IAH1: variants seen among roughly 807,000 people sequenced by gnomAD.
IAH1 encodes the protein isoamyl acetate hydrolyzing esterase 1 (putative).
IAH1 carries 24 observed loss-of-function variants against 26.7 expected under a neutral mutation model. That is an observed-to-expected ratio of 0.90 (90% confidence interval 0.65 to 1.26). The LOEUF (loss-of-function observed/expected upper bound fraction) is 1.26, where lower values mean the gene tolerates loss of function less well. IAH1 is among the 50% of genes most tolerant of loss of function. IAH1 has a pLI of 0.00. For synonymous variants in IAH1, 140 were observed against 118.5 expected (o/e 1.18, Z -1.18); for missense variants, 300 against 299.9 (o/e 1.00, Z 0.00).
chr2:9,478,931 G>A (rs540851934), intron 3 of IAH1, among the ~76,000 whole-genome samples: 30 of 152,290 alleles, frequency 2.0e-4, no homozygotes, highest in African/African-American at 6.0e-4. Context: ...TGCTATCGAC[G>A]AGAAAAATCA....
chr2:9,494,529 T>G, downstream of IAH1: 2 of 1,312,424 alleles, frequency 1.5e-6, no homozygotes, highest in Middle Eastern at 2.3e-4. Flanking sequence ...GCCAGAAGGA[T>G]GTAGCCCCAC....
chr2:9,478,653 T>C (rs1270338094), intron 3 of IAH1, among the ~76,000 whole-genome samples: 2 of 152,236 alleles, frequency 1.3e-5, no homozygotes, highest in Non-Finnish European at 2.9e-5. Flanking sequence ...TTCTCTTTAG[T>C]TGATGCATTT....
chr2:9,478,186 G>C (rs770926357), intron 2 of IAH1, 36 bp from the exon 3 acceptor site: 6 of 1,575,682 alleles, frequency 3.8e-6, no homozygotes, highest in Non-Finnish European at 5.2e-6. Flanking sequence ...AACACTTCTT[G>C]CCCACAATTC....
intron 3 of IAH1, among the ~76,000 whole-genome samples, chr2:9,479,844 T>A (rs182249433): frequency 8.0e-6 from 1 of 124,376 alleles, no homozygotes; most frequent in Admixed American, 1.0e-4. Flanking sequence ...AGTTTCACAC[T>A]CTTGCCTAGG....
At chr2:9,493,840 C>T, downstream of IAH1, 3 of 1,602,396 alleles carry the variant, frequency 1.9e-6, no homozygotes, top group Non-Finnish European at 2.6e-6. Flanking sequence ...GAAGAAAAAA[C>T]ATACATACAG....
chr2:9,484,583 A>C, intron 5 of IAH1, 33 bp downstream of exon 5: 1 of 1,417,248 alleles, frequency 7.1e-7, no homozygotes, highest in Non-Finnish European at 1.0e-6. Flanking sequence ...CTCGGGGTAA[A>C]TAGGATCACA....
intron 3 of IAH1, among the ~76,000 whole-genome samples, chr2:9,479,335 GAAATA>G (rs1358980576): frequency 1.3e-5 from 2 of 152,098 alleles, no homozygotes; most frequent in African/African-American, 4.8e-5. Context: ...ACAGGTTTAT[GAAATA>G]AAATAGGCTG....
chr2:9,503,814 G>C, the IAH1 span, among the ~76,000 whole-genome samples: 1 of 149,932 alleles, frequency 6.7e-6, no homozygotes, highest in African/African-American at 2.5e-5. Flanking sequence ...CTCCAGCCTG[G>C]GCGACAGAGC....
intron 4 of IAH1, among the ~76,000 whole-genome samples, chr2:9,483,169 C>A (rs989698277): frequency 2.0e-5 from 3 of 152,180 alleles, no homozygotes. Flanking sequence ...TAGCCCAATG[C>A]AGACTTTTTA....
downstream of IAH1, chr2:9,493,107 G>C: frequency 1.3e-6 from 1 of 756,210 alleles, no homozygotes; most frequent in Non-Finnish European, 2.1e-6. Flanking sequence ...ATACTACCGA[G>C]AGCAGAATGT....
At chr2:9,490,221 G>A, downstream of IAH1, 1 of 1,606,314 alleles carries the variant, frequency 6.2e-7, no homozygotes, top group Non-Finnish European at 8.5e-7. Context: ...TGACGCTGCA[G>A]TTTAAAGGAG....
intron 1 of IAH1, chr2:9,475,648 GC>G: frequency 3.1e-6 from 1 of 327,632 alleles, no homozygotes; most frequent in East Asian, 7.5e-5. Context: ...TTATAGACGT[GC>G]GCCACCACAC....
intron 4 of IAH1, among the ~76,000 whole-genome samples, chr2:9,484,031 T>C (rs1157616814): frequency 6.6e-6 from 1 of 152,214 alleles, no homozygotes; most frequent in East Asian, 1.9e-4. Flanking sequence ...CAGCGCAGCG[T>C]TCAGCTTCCA....
At chr2:9,484,399 C>T (rs761811940) in intron 4 of IAH1, 33 bp from the exon 5 acceptor site, 11 of 1,546,674 alleles carry the variant, frequency 7.1e-6, no homozygotes, top group South Asian at 6.7e-5. Flanking sequence ...CTTGGGTTTA[C>T]CAACTGCCAC....
At chr2:9,512,385 A>G in the IAH1 span, 6 of 152,316 alleles carry the variant, frequency 3.9e-5, no homozygotes, top group South Asian at 1.2e-3. Context: ...TGACTCCAAA[A>G]AAGTAAAAGC....
exon 6 of IAH1, chr2:9,494,852 C>A: frequency 6.6e-7 from 1 of 1,511,056 alleles, no homozygotes; most frequent in Non-Finnish European, 9.0e-7. Context: ...TGACCATGCT[C>A]CCAAAGAGGT....
chr2:9,485,780 CTTT>C (rs1215079768), intron 5 of IAH1: 4 of 152,252 alleles, frequency 2.6e-5, no homozygotes, highest in African/African-American at 9.7e-5. Context: ...AGGCACTGGT[CTTT>C]TTTAATTTTT....
intron 1 of IAH1, 160 bp from the exon 2 acceptor site, chr2:9,475,825 GCC>G: frequency 1.6e-6 from 1 of 636,048 alleles, no homozygotes; most frequent in East Asian, 2.7e-5. Flanking sequence ...CTAAAGTGCT[GCC>G]AGGTGTACTT....
the IAH1 span, chr2:9,505,456 T>A: frequency 7.4e-7 from 1 of 1,352,402 alleles, no homozygotes; most frequent in Non-Finnish European, 1.0e-6. Flanking sequence ...GACAAACTCT[T>A]AATGTAAAAC....
Sources: allele counts gnomAD v4.1 joint callset (sites outside exome capture counted in the v4.1 genomes callset), GRCh38; gene constraint gnomAD v4.1.1; transcripts MANE v1.5; gene names NCBI Gene and HGNC (gene_info 2026-07-23, HGNC 2026-07-21).